LRRC4B: variants seen among roughly 807,000 people sequenced by gnomAD.
LRRC4B encodes the protein leucine-rich repeat-containing protein 4B.
A neutral mutation model predicts 7.3 loss-of-function variants in LRRC4B; 1 was observed. The observed-to-expected ratio is 0.14, with a 90% CI of 0.05 to 0.65. The LOEUF is 0.65. Ranked by LOEUF, LRRC4B falls within the 30% of genes least tolerant of loss-of-function variation. LRRC4B has a pLI of 0.84. For synonymous variants in LRRC4B, 500 were observed against 499.2 expected (o/e 1.00, Z -0.02); for missense variants, 730 against 1,041.6 (o/e 0.70, Z 4.12).
intron 2 of LRRC4B, among the ~76,000 whole-genome samples, chr19:50,530,278 G>A (rs2122817488): frequency 6.6e-6 from 1 of 152,268 alleles, no homozygotes; most frequent in South Asian, 2.1e-4. Context: ...AGTGCCCTCG[G>A]GAAGTTCAGC....
chr19:50,527,818 T>G (rs1980885672), intron 2 of LRRC4B, among the ~76,000 whole-genome samples: 2 of 149,590 alleles, frequency 1.3e-5, no homozygotes. Flanking sequence ...CTCAGCTCAC[T>G]GCAAGCTCCG....
chr19:50,520,318 G>C (rs1487490902), intron 2 of LRRC4B, among the ~76,000 whole-genome samples: 2 of 146,680 alleles, frequency 1.4e-5, no homozygotes, highest in African/African-American at 2.5e-5. Flanking sequence ...TACTTAGAAA[G>C]TTAAAACTGG....
At chr19:50,539,173 C>T (rs981528954) in intron 2 of LRRC4B, among the ~76,000 whole-genome samples, 1 of 152,218 alleles carries the variant, frequency 6.6e-6, no homozygotes, top group Non-Finnish European at 1.5e-5. Context: ...CCACCGTGCC[C>T]GGCCAGGTTT....
intron 2 of LRRC4B, among the ~76,000 whole-genome samples, chr19:50,528,361 T>C (rs1472345800): frequency 6.6e-6 from 1 of 151,986 alleles, no homozygotes; most frequent in Non-Finnish European, 1.5e-5. Context: ...CTTTCTTTTT[T>C]TTAGATGGAA....
chr19:50,538,450 GC>G (rs1020208456), intron 2 of LRRC4B, among the ~76,000 whole-genome samples: 31 of 152,142 alleles, frequency 2.0e-4, no homozygotes, highest in African/African-American at 7.2e-4. Flanking sequence ...GGAGGGATCA[GC>G]CGCCTGGAAA....
chr19:50,529,990 T>A (rs114556193), intron 2 of LRRC4B, among the ~76,000 whole-genome samples: 2,978 of 107,838 alleles, frequency 0.028, 110 homozygotes, highest in African/African-American at 0.1. Context: ...GGGCCCCCCC[T>A]AGCTCATCCT....
intron 2 of LRRC4B, among the ~76,000 whole-genome samples, chr19:50,524,679 A>G (rs1369841830): frequency 3.3e-5 from 5 of 152,248 alleles, no homozygotes; most frequent in Non-Finnish European, 7.3e-5. Flanking sequence ...CTCTCATTTG[A>G]ACCTGTCATC....
Position 50,523,404 on chromosome 19 carries a change from G to A in LRRC4B, c.298-3989C>T, listed in dbSNP as rs571098299. The stretch of plus-strand genomic sequence containing the variant: ...GAAAAAAGAGAAAAAGAGGCCGGGC[G>A]TGGTGGCTCACACCTGTAATCCCAG... On this transcript the variant is annotated intron_variant, in intron 2 of 2. Transcript: ENST00000652263. 1.2e-3 allele frequency among the ~76,000 whole-genome samples: 179 copies of A among 149,732 alleles called. 1 individual carries two copies. The highest frequency in any genetic ancestry group is 3.9e-3 in the African/African-American group (160 of 40,618).
At position 50,553,616 on chromosome 19, in the gene LRRC4B, T is replaced by C. The variant is rs1982174767; in HGVS notation, c.-35-4743A>G. The stretch of plus-strand genomic sequence containing the variant: ...CGCCCCGCATCAAACAGCACCCCTA[T>C]CCCTCTCCAGAACCTTCTCTGTTTC... On this transcript the variant is annotated intron_variant, in intron 1 of 2. Transcript: ENST00000652263. This position sits in a 1 kb window ranked among gnomAD's most constrained non-coding sequence, Gnocchi z 4.2. Among the ~76,000 whole-genome samples the C allele has an allele frequency of 6.6e-6, 1 of 152,122 alleles. No individual in the cohort carries two copies. Among genetic ancestry groups the C allele is most frequent in the Non-Finnish European group, 1.5e-5 (1 of 68,028 alleles).
chr19:50,542,704 T>C (rs1981605353), intron 2 of LRRC4B, among the ~76,000 whole-genome samples: 1 of 152,040 alleles, frequency 6.6e-6, no homozygotes, highest in South Asian at 2.1e-4. Flanking sequence ...CTCGAACTCC[T>C]AACCTCAGGT....
In LRRC4B at chr19:50,548,965, C is replaced by T; in HGVS notation, c.-35-92G>A. 1.5e-6 allele frequency: 1 copy of T among 672,476 alleles called. No individual in the cohort carries two copies. Among genetic ancestry groups the T allele is most frequent in the Non-Finnish European group, 2.5e-6 (1 of 406,744 alleles). 41.7% of individuals were successfully genotyped at this position (672,476 alleles called of 1,614,324 possible). Reference sequence around the variant, plus strand: ...TGCCAACACCCAGGCAGCCCCATCGCCGCCTCCCTGCCCCATGCCCAGAAC... The same window carrying T: ...TGCCAACACCCAGGCAGCCCCATCGTCGCCTCCCTGCCCCATGCCCAGAAC... On this transcript the variant is annotated intron_variant, in intron 1 of 2. Coordinates refer to ENST00000652263, the MANE Select transcript of LRRC4B (RefSeq NM_001080457.2). This position sits in a 1 kb window ranked among gnomAD's most constrained non-coding sequence, Gnocchi z 6.8.
At chr19:50,562,245 G>A (rs1396682013) in intron 1 of LRRC4B, among the ~76,000 whole-genome samples, 2 of 152,078 alleles carry the variant, frequency 1.3e-5, no homozygotes, top group African/African-American at 4.8e-5. Context: ...CTGCAGGGCG[G>A]CCCACACCAG....
chr19:50,562,608 C>CT (rs572250498), intron 1 of LRRC4B, among the ~76,000 whole-genome samples: 230 of 152,248 alleles, frequency 1.5e-3, no homozygotes, highest in Non-Finnish European at 2.7e-3. Flanking sequence ...AACAAGAACT[C>CT]TGGGGCCTAA....
chr19:50,521,284 CAG>C (rs374285687), intron 2 of LRRC4B, among the ~76,000 whole-genome samples: 152 of 152,136 alleles, frequency 1.0e-3, no homozygotes, highest in African/African-American at 3.5e-3. Flanking sequence ...CTGGGGCAGA[CAG>C]GGAAGGGCAT....
At chr19:50,540,320 C>T (rs901154396) in intron 2 of LRRC4B, among the ~76,000 whole-genome samples, 1 of 152,048 alleles carries the variant, frequency 6.6e-6, no homozygotes, top group Admixed American at 6.6e-5. Flanking sequence ...GCTCTGCCTC[C>T]TATCAGATCA....
rs1364206836 is a variant in LRRC4B, at chr19:50,537,312, C to T, written c.297+11230G>A. The stretch of plus-strand genomic sequence containing the variant: ...ATCTGTAACATGAGAAGAATAGGAC[C>T]TACTCAGGGGGCTGTCGTGAGGCTG... On this transcript the variant is annotated intron_variant, in intron 2 of 2. Transcript: ENST00000652263. This position sits in a 1 kb window ranked among gnomAD's most constrained non-coding sequence, Gnocchi z 5.5. 6.6e-6 allele frequency among the ~76,000 whole-genome samples: 1 copy of T among 152,178 alleles called. No individual in the cohort carries two copies. The highest frequency in any genetic ancestry group is 2.4e-5 in the African/African-American group (1 of 41,448).
intron 1 of LRRC4B, among the ~76,000 whole-genome samples, chr19:50,552,683 T>TCCAACCATCCATCCATTCATCCATCCAC (rs55739228): frequency 8.2e-6 from 1 of 121,354 alleles, no homozygotes; most frequent in Non-Finnish European, 1.7e-5. Flanking sequence ...CATCCATCCA[T>TCCAACCATCCATCCATTCATCCATCCAC]CCATCCGTCC....
chr19:50,548,871 GGGCTGTGGGT>G lies in LRRC4B; in HGVS notation c.-35-8_-34del. 7.0e-7 allele frequency: 1 copy of G among 1,423,256 alleles called. No individual in the cohort carries two copies. The highest frequency in any genetic ancestry group is 2.5e-5 in the East Asian group (1 of 39,704). The allele number at this position is 1,423,256 out of a possible 1,614,324, so 88.2% of individuals were successfully genotyped here. A position where few individuals can be genotyped will look rare whatever the true frequency, so the allele number is the denominator to read the frequency against. On this transcript the variant is annotated splice_acceptor_variant and splice_polypyrimidine_tract_variant and 5_prime_UTR_variant and intron_variant, in exon 2 of 3. Transcript: ENST00000652263. LOFTEE classifies it low-confidence loss of function (5UTR_SPLICE). This position sits in a 1 kb window ranked among gnomAD's most constrained non-coding sequence, Gnocchi z 6.8. The stretch of plus-strand genomic sequence containing the variant: ...GTTCATGCTCCGCGTGGACGCTGGG[GGGCTGTGGGT>G]GGGGGAGAGAAGGGGGAGAGGCTTG...
rs1034314246 is a variant in LRRC4B at position 50,555,882 on chromosome 19, G to C, written c.-35-7009C>G. On this transcript the variant is annotated intron_variant, in intron 1 of 2. Coordinates refer to ENST00000652263, the MANE Select transcript of LRRC4B (RefSeq NM_001080457.2). The surrounding 1 kb of genome is among the most constrained non-coding windows in gnomAD (Gnocchi z 5.2). ...AGCTAGAGAAGAACTTCCCCACTGC[G>C]AGGGACTGGGGCAGAAGTGGAGCCT... 1 of 152,406 alleles carries C rather than the reference G, an allele frequency of 6.6e-6. No individual in the cohort carries two copies. The highest frequency in any genetic ancestry group is 2.4e-5 in the African/African-American group (1 of 41,436). 9.4% of individuals were successfully genotyped at this position (152,406 alleles called of 1,614,324 possible).
Sources: allele counts gnomAD v4.1 joint callset (sites outside exome capture counted in the v4.1 genomes callset), GRCh38; gene constraint gnomAD v4.1.1; non-coding constraint Gnocchi (gnomAD v3.1); transcripts MANE v1.5; gene names NCBI Gene and HGNC (gene_info 2026-07-23, HGNC 2026-07-21).